ANO1: variants seen among roughly 807,000 people sequenced by gnomAD.
ANO1 encodes the protein anoctamin-1.
In ANO1, 59 loss-of-function variants were observed where a neutral mutation model predicts 124.0. That is an observed-to-expected ratio of 0.48 (90% CI 0.39 to 0.59). The LOEUF (loss-of-function observed/expected upper bound fraction) is 0.59, where lower values mean the gene tolerates loss of function less well. ANO1 is among the 20% of genes least tolerant of loss of function. ANO1 has a pLI of 0.00. For missense variants in ANO1, 1,059 were observed against 1,328.0 expected (o/e 0.80, Z 3.15); for synonymous variants, 529 against 532.0 (o/e 0.99, Z 0.08).
intron 1 of ANO1, among the ~76,000 whole-genome samples, chr11:70,009,375 C>T (rs1856549808): frequency 6.6e-6 from 1 of 152,122 alleles, no homozygotes; most frequent in Non-Finnish European, 1.5e-5. Context: ...AACAGTGCTC[C>T]ATGACTGGAG....
At chr11:70,061,067 T>C (rs1857562709) in intron 1 of ANO1, among the ~76,000 whole-genome samples, 1 of 152,036 alleles carries the variant, frequency 6.6e-6, no homozygotes, top group Non-Finnish European at 1.5e-5. Flanking sequence ...AGTTGTTGTT[T>C]GGTGGTGGAG....
intron 2 of ANO1, among the ~76,000 whole-genome samples, chr11:70,089,667 T>C (rs1397707640): frequency 1.3e-5 from 2 of 152,156 alleles, no homozygotes; most frequent in African/African-American, 4.8e-5. Flanking sequence ...CAAAGTTTGA[T>C]CCTGACAAGG....
intron 24 of ANO1, among the ~76,000 whole-genome samples, chr11:70,183,537 G>T (rs1313787697): frequency 1.3e-5 from 2 of 152,208 alleles, no homozygotes; most frequent in African/African-American, 4.8e-5. Flanking sequence ...GGAAAACTGG[G>T]GTGCTATGAC....
intron 10 of ANO1, among the ~76,000 whole-genome samples, chr11:70,128,759 A>G (rs1438709211): frequency 6.6e-6 from 1 of 152,208 alleles, no homozygotes; most frequent in Non-Finnish European, 1.5e-5. Context: ...TGCTCTTTGT[A>G]TTTTGGCTAA....
intron 14 of ANO1, among the ~76,000 whole-genome samples, chr11:70,155,405 GC>G (rs2047769456): frequency 6.6e-6 from 1 of 152,328 alleles, no homozygotes; most frequent in South Asian, 2.1e-4. Flanking sequence ...CTTCTGACGG[GC>G]CGTACCCTTT....
chr11:69,995,095 T>TC (rs1554998163), intron 1 of ANO1, among the ~76,000 whole-genome samples: 3 of 28,144 alleles, frequency 1.1e-4, no homozygotes, highest in African/African-American at 2.6e-4. Context: ...CTGGCACTGT[T>TC]TTTTTTTTTT....
intron 11 of ANO1, among the ~76,000 whole-genome samples, chr11:70,134,935 G>A (rs185008201): frequency 2.0e-5 from 3 of 152,202 alleles, no homozygotes; most frequent in South Asian, 2.1e-4. Flanking sequence ...GCAAGGACAC[G>A]CTGAGAAGAA....
intron 1 of ANO1, chr11:70,085,352 G>T: frequency 5.7e-6 from 8 of 1,406,140 alleles, no homozygotes; most frequent in African/African-American, 2.9e-5. Context: ...CCACCCACAT[G>T]GGCGTGGTCG....
intron 1 of ANO1, among the ~76,000 whole-genome samples, chr11:70,035,538 A>ATATATATATATATATATATATATAT (rs1857079802): frequency 1.3e-5 from 2 of 151,398 alleles, no homozygotes; most frequent in South Asian, 2.1e-4. Flanking sequence ...ATATATATAT[A>ATATATATATATATATATATATATAT]CTTTAAGTTC....
At chr11:70,001,032 A>T (rs782202088) in intron 1 of ANO1, among the ~76,000 whole-genome samples, 2 of 152,162 alleles carry the variant, frequency 1.3e-5, no homozygotes, top group Non-Finnish European at 2.9e-5. Flanking sequence ...ATTAACAAAC[A>T]CATAGTCTGT....
intron 11 of ANO1, among the ~76,000 whole-genome samples, chr11:70,137,863 T>A (rs1395424861): frequency 1.4e-5 from 2 of 147,568 alleles, no homozygotes; most frequent in African/African-American, 4.9e-5. Flanking sequence ...GCATGCAAAG[T>A]TCTTAGGGCC....
At chr11:70,053,753 T>C (rs1857389950) in intron 1 of ANO1, among the ~76,000 whole-genome samples, 1 of 152,198 alleles carries the variant, frequency 6.6e-6, no homozygotes, top group African/African-American at 2.4e-5. Flanking sequence ...TTCTGGAAGA[T>C]TGGTGTTATT....
At chr11:70,171,923 A>T (rs1343821807) in intron 22 of ANO1, among the ~76,000 whole-genome samples, 1 of 152,098 alleles carries the variant, frequency 6.6e-6, no homozygotes, top group East Asian at 1.9e-4. Context: ...AGCCATGCCC[A>T]TGCCTGGGCA....
chr11:70,166,137 G>A (rs1461491013), intron 20 of ANO1, among the ~76,000 whole-genome samples: 1 of 151,918 alleles, frequency 6.6e-6, no homozygotes, highest in Admixed American at 6.6e-5. Flanking sequence ...GGCCAACATG[G>A]TGAAACCCCA....
At chr11:69,966,643 C>A in the ANO1 span, among the ~76,000 whole-genome samples, 1 of 151,956 alleles carries the variant, frequency 6.6e-6, no homozygotes. Context: ...CCTCTGCTGG[C>A]AGGTAAGGAT....
intron 1 of ANO1, among the ~76,000 whole-genome samples, chr11:70,027,467 C>T (rs2135019577): frequency 6.6e-6 from 1 of 152,360 alleles, no homozygotes; most frequent in Admixed American, 6.5e-5. Context: ...TGCTTTGACA[C>T]ATTTGTAAAG....
chr11:69,995,108 T>TGTTTG (rs1554998200), intron 1 of ANO1, among the ~76,000 whole-genome samples: 1 of 147,078 alleles, frequency 6.8e-6, no homozygotes, highest in African/African-American at 2.5e-5. Context: ...TTTTTTTTTT[T>TGTTTG]TTTTTTTTTG....
chr11:70,169,489 C>T (rs542789267), intron 21 of ANO1, among the ~76,000 whole-genome samples: 7 of 149,902 alleles, frequency 4.7e-5, no homozygotes, highest in African/African-American at 9.8e-5. Context: ...GCCCTGGCAG[C>T]GCCTCCAGCT....
At position 70,115,442 on chromosome 11, in the gene ANO1, G is replaced by A. The variant is rs572457579; in HGVS notation, c.856-1016G>A. ...AGCCTGACCAACGTGGTGAAACCCT[G>A]TCTCTACTAAAAATACAAAAATTAG... On this transcript the variant is annotated intron_variant, in intron 7 of 25. Coordinates refer to ENST00000355303, the MANE Select transcript of ANO1 (RefSeq NM_018043.7). 3.9e-5 allele frequency among the ~76,000 whole-genome samples: 6 copies of A among 152,208 alleles called. No homozygotes were observed. The East Asian group carries it at 9.7e-4, about 25-fold the overall frequency.
Sources: allele counts gnomAD v4.1 joint callset (sites outside exome capture counted in the v4.1 genomes callset), GRCh38; gene constraint gnomAD v4.1.1; transcripts MANE v1.5; gene names NCBI Gene and HGNC (gene_info 2026-07-23, HGNC 2026-07-21).